The following FUT8 variants were observed in gnomAD, a reference collection of about 807,000 sequenced individuals.
FUT8 encodes alpha-(1,6)-fucosyltransferase.
In FUT8, 29 loss-of-function variants were observed where a neutral mutation model predicts 71.3. The ratio of observed to expected loss-of-function variants is 0.41; its 90% CI spans 0.30 to 0.55. The LOEUF (loss-of-function observed/expected upper bound fraction) is 0.55. FUT8 is among the 20% of genes least tolerant of loss of function. The pLI, the probability that FUT8 is intolerant of heterozygous loss-of-function variation, is 0.34. For missense variants in FUT8, 544 were observed against 702.1 expected (o/e 0.77, Z 2.55); for synonymous variants, 254 against 239.3 (o/e 1.06, Z -0.57).
intron 7 of FUT8, among the ~76,000 whole-genome samples, chr14:65,674,967 C>G (rs1326992109): frequency 5.3e-5 from 8 of 152,160 alleles, no homozygotes; most frequent in Non-Finnish European, 8.8e-5. Flanking sequence ...ACTTTTGATT[C>G]AACTGCTATA....
chr14:65,624,933 G>A (rs1889816254), intron 5 of FUT8, among the ~76,000 whole-genome samples: 1 of 152,192 alleles, frequency 6.6e-6, no homozygotes, highest in South Asian at 2.1e-4. Context: ...GGGTGTGGTG[G>A]TGCATGCCTG....
At chr14:65,606,346 G>C (rs1888587881) in intron 3 of FUT8, among the ~76,000 whole-genome samples, 1 of 151,350 alleles carries the variant, frequency 6.6e-6, no homozygotes, top group Admixed American at 6.6e-5. Flanking sequence ...CGAAGTGCTG[G>C]GATTACAGGC....
chr14:65,566,777 T>C (rs1374629025), intron 3 of FUT8, among the ~76,000 whole-genome samples: 1 of 152,016 alleles, frequency 6.6e-6, no homozygotes, highest in East Asian at 1.9e-4. Flanking sequence ...GGTATCATGT[T>C]AGAACACATG....
chr14:65,703,710 T>C (rs543481617), intron 7 of FUT8, among the ~76,000 whole-genome samples: 1 of 152,270 alleles, frequency 6.6e-6, no homozygotes, highest in South Asian at 2.1e-4. Flanking sequence ...GAGTTAAAGA[T>C]GGGAGTGTGA....
At chr14:65,475,831 A>G (rs2066230313) in intron 2 of FUT8, among the ~76,000 whole-genome samples, 1 of 152,042 alleles carries the variant, frequency 6.6e-6, no homozygotes, top group Non-Finnish European at 1.5e-5. Context: ...TTTGGGGCTG[A>G]GGAAATCAGT....
At position 65,650,707 on chromosome 14, in the gene FUT8, CAAAAAA is replaced by C. The variant is rs57971519; in HGVS notation, c.598-18519_598-18514del. On this transcript the variant is annotated intron_variant, in intron 6 of 10. Transcript: ENST00000673929. ...AGATCACTGTAATTCCTGCTAATTA[CAAAAAA>C]AAAAAAAAAAAAAAAACAAAAAAAA... Among the ~76,000 whole-genome samples the C allele has an allele frequency of 5.9e-5, 7 of 118,970 alleles. No individual in the cohort carries two copies. The East Asian group carries it at 6.8e-4, about 11-fold the overall frequency. The allele number at this position is 118,970 out of a possible 152,430, so 78.0% of individuals were successfully genotyped here.
intron 7 of FUT8, among the ~76,000 whole-genome samples, chr14:65,698,987 A>C (rs553024650): frequency 6.6e-6 from 1 of 152,258 alleles, no homozygotes; most frequent in East Asian, 1.9e-4. Flanking sequence ...AATTCCTGAA[A>C]GCCAAAGATT....
At chr14:65,566,168 T>C (rs906488165) in intron 3 of FUT8, among the ~76,000 whole-genome samples, 16 of 151,914 alleles carry the variant, frequency 1.1e-4, no homozygotes. Flanking sequence ...ATTAACTGGC[T>C]CACTTCCATA....
At chr14:65,457,121 G>C (rs188416573) in intron 2 of FUT8, among the ~76,000 whole-genome samples, 6 of 152,098 alleles carry the variant, frequency 3.9e-5, no homozygotes, top group Non-Finnish European at 7.4e-5. Context: ...TGAACACCAG[G>C]TCTTATTTCT....
intron 2 of FUT8, among the ~76,000 whole-genome samples, chr14:65,502,661 G>A (rs2066665141): frequency 6.6e-6 from 1 of 152,142 alleles, no homozygotes; most frequent in Admixed American, 6.5e-5. Flanking sequence ...AATAAATAAT[G>A]GTAAAAGTAA....
chr14:65,592,330 T>C (rs530302155), intron 3 of FUT8, among the ~76,000 whole-genome samples: 3 of 152,084 alleles, frequency 2.0e-5, no homozygotes, highest in Non-Finnish European at 4.4e-5. Flanking sequence ...TGACCTATTA[T>C]CTATTTTTTT....
At chr14:65,648,930 A>G (rs1044579314) in intron 6 of FUT8, among the ~76,000 whole-genome samples, 4 of 152,206 alleles carry the variant, frequency 2.6e-5, no homozygotes, top group African/African-American at 4.8e-5. Context: ...AAAAGGAACC[A>G]TACAGATTTC....
At chr14:65,633,437 C>T (rs1294890318) in intron 6 of FUT8, among the ~76,000 whole-genome samples, 1 of 152,052 alleles carries the variant, frequency 6.6e-6, no homozygotes, top group Non-Finnish European at 1.5e-5. Flanking sequence ...TGCCTGGCCG[C>T]CACCCCGTCT....
chr14:65,557,865 A>G (rs1034964127), intron 2 of FUT8, among the ~76,000 whole-genome samples: 1 of 152,216 alleles, frequency 6.6e-6, no homozygotes. Flanking sequence ...TAATTTTTAA[A>G]TATTTTTACG....
At chr14:65,513,963 C>T (rs1279265650) in intron 2 of FUT8, among the ~76,000 whole-genome samples, 4 of 152,320 alleles carry the variant, frequency 2.6e-5, no homozygotes, top group South Asian at 2.1e-4. Flanking sequence ...ATCCCATCTT[C>T]GCTTCAGGGC....
rs190158009 is a variant in FUT8, at chr14:65,524,532, G to C, written c.-227-36805G>C. Reference sequence around the variant, plus strand: ...TGTCATCTGCAAACAGGGACAATTTGACTTCCTCTTTTCTCAATTGAATGC... The same window carrying C: ...TGTCATCTGCAAACAGGGACAATTTCACTTCCTCTTTTCTCAATTGAATGC... On this transcript the variant is annotated intron_variant, in intron 2 of 10. Coordinates refer to ENST00000673929, the MANE Select transcript of FUT8 (RefSeq NM_001371533.1). 1.2e-3 allele frequency among the ~76,000 whole-genome samples: 179 copies of C among 152,258 alleles called. 1 individual carries two copies. Among genetic ancestry groups the C allele is most frequent in the African/African-American group, 4.1e-3 (169 of 41,544 alleles).
At chr14:65,394,067 C>G in the FUT8 span, among the ~76,000 whole-genome samples, 1 of 152,180 alleles carries the variant, frequency 6.6e-6, no homozygotes, top group Admixed American at 6.5e-5. Context: ...AGTGATTCTC[C>G]TGCCTCAGCC....
chr14:65,688,426 T>TA (rs1371948692), intron 7 of FUT8, among the ~76,000 whole-genome samples: 1 of 151,664 alleles, frequency 6.6e-6, no homozygotes, highest in South Asian at 2.1e-4. Context: ...CATTTCTTTT[T>TA]ATTGCTGAAT....
At chr14:65,455,919 G>GA (rs1205320097) in intron 2 of FUT8, among the ~76,000 whole-genome samples, 1 of 152,012 alleles carries the variant, frequency 6.6e-6, no homozygotes, top group Non-Finnish European at 1.5e-5. Flanking sequence ...TGCATAAATT[G>GA]AAAAAAATTT....
Sources: gnomAD v4.1 joint callset for allele counts (sites outside exome capture counted in the v4.1 genomes callset) on GRCh38, gnomAD v4.1.1 for gene constraint, MANE v1.5 for transcripts, NCBI Gene and HGNC (gene_info 2026-07-23, HGNC 2026-07-21) for gene names.